SHROOM4: variants seen among roughly 807,000 people sequenced by gnomAD.
The protein encoded by SHROOM4 is shroom family member 4.
In SHROOM4, 17 loss-of-function variants were observed where a neutral mutation model predicts 80.3. The observed-to-expected ratio is 0.21, with a 90% CI of 0.14 to 0.32. SHROOM4 has a LOEUF of 0.32. Among genes scored for constraint, SHROOM4 ranks in the 10% least tolerant of loss-of-function variants. SHROOM4 has a pLI of 1.00. For synonymous variants in SHROOM4, 400 were observed against 437.5 expected (o/e 0.91, Z 1.07); for missense variants, 993 against 1,140.3 (o/e 0.87, Z 1.86).
chrX:50,811,237 G>A lies in SHROOM4; in HGVS notation c.117+2665C>T, dbSNP rs181446607. On this transcript the variant is annotated intron_variant, in intron 1 of 8. Coordinates refer to ENST00000376020, the MANE Select transcript of SHROOM4 (RefSeq NM_020717.5). ...TGGGAGGGTTGCTTGAGCCTGGGAG[G>A]CACAGGATGCAGTGAGCCGAGCTGG... is the stretch of plus-strand genomic sequence containing the variant. Among the ~76,000 whole-genome samples the A allele has an allele frequency of 4.3e-3, 480 of 110,711 alleles. 4 individuals are homozygous for A. Among genetic ancestry groups the A allele is most frequent in the Non-Finnish European group, 4.6e-3 (241 of 52,893 alleles).
chrX:50,802,038 C>G (rs1196065720), intron 1 of SHROOM4, among the ~76,000 whole-genome samples: 7 of 111,645 alleles, frequency 6.3e-5, no homozygotes, highest in Non-Finnish European at 1.3e-4. Context: ...AAAGTGGCAA[C>G]GGAAAGGCAT....
At chrX:50,580,775 T>A in the SHROOM4 span, among the ~76,000 whole-genome samples, 1 of 111,374 alleles carries the variant, frequency 9.0e-6, no homozygotes, top group Non-Finnish European at 1.9e-5. Context: ...GGCCACAGAG[T>A]AAGACCCCAC....
intron 1 of SHROOM4, among the ~76,000 whole-genome samples, chrX:50,771,771 G>A (rs1171392805): frequency 1.8e-5 from 2 of 112,070 alleles, no homozygotes; most frequent in Non-Finnish European, 3.8e-5. Flanking sequence ...GTGTGCAAAG[G>A]TGTACGTACA....
At chrX:50,682,219 A>G (rs1368793121) in intron 2 of SHROOM4, among the ~76,000 whole-genome samples, 1 of 112,026 alleles carries the variant, frequency 8.9e-6, no homozygotes, top group Non-Finnish European at 1.9e-5. Context: ...TAGCATTTGT[A>G]ACTAGTATCT....
chrX:50,601,432 T>C lies in SHROOM4; in HGVS notation c.3942+1201A>G, dbSNP rs138731387. On this transcript the variant is annotated intron_variant, in intron 7 of 8. Transcript: ENST00000376020. ...TCTTCCCCTGACATTTTGCTTCAGATAGGAAATTGGAGGAAGGACTCTTGC... is the reference window on the plus strand; with the variant it reads ...TCTTCCCCTGACATTTTGCTTCAGACAGGAAATTGGAGGAAGGACTCTTGC... Among the ~76,000 whole-genome samples, 682 of 111,988 alleles carry C rather than the reference T, an allele frequency of 6.1e-3. 6 individuals are homozygous for C. Among genetic ancestry groups the C allele is most frequent in the Middle Eastern group, 0.038 (8 of 211 alleles).
intron 1 of SHROOM4, among the ~76,000 whole-genome samples, chrX:50,735,033 T>C (rs1382861854): frequency 1.8e-5 from 2 of 111,097 alleles, no homozygotes; most frequent in Non-Finnish European, 3.8e-5. Flanking sequence ...CGAGTATGTT[T>C]TTATTAGCAG....
In SHROOM4 at chrX:50,618,420, CTTTCTTA is replaced by C. The variant is rs1188830715; in HGVS notation, c.2957+9187_2957+9193del. Reference sequence around the variant, plus strand: ...CCTTCCTTCCTTCCTTCCTTCCTTCCTTTCTTATTTTTGAGACAGTGTCTTGCCCAGT... The same window carrying C: ...CCTTCCTTCCTTCCTTCCTTCCTTCCTTTTTGAGACAGTGTCTTGCCCAGT... On this transcript the variant is annotated intron_variant, in intron 5 of 8. Transcript: ENST00000376020. Among the ~76,000 whole-genome samples, 4 of 80,568 alleles carry C rather than the reference CTTTCTTA, an allele frequency of 5.0e-5. 1 individual carries two copies. The East Asian group carries it at 2.0e-3, about 41-fold the overall frequency. 70.0% of individuals were successfully genotyped at this position (80,568 alleles called of 115,157 possible).
Position 50,592,016 on chromosome X carries a change from C to T in SHROOM4, c.*4679G>A, listed in dbSNP as rs782121304. The T allele has an allele frequency of 1.8e-5, 6 of 327,703 alleles. No individual in the cohort carries two copies. Among genetic ancestry groups the T allele is most frequent in the South Asian group, 1.0e-4 (4 of 38,306 alleles). The allele number at this position is 327,703 out of a possible 1,213,427, so 27.0% of individuals were successfully genotyped here. A position where few individuals can be genotyped will look rare whatever the true frequency, so the allele number is the denominator to read the frequency against. ...TCAGGCGTGAGCCACCATGCCCGGC[C>T]GGAACTGTTTTCTTAATAACATTTT... is the stretch of plus-strand genomic sequence containing the variant. On this transcript the variant is annotated 3_prime_UTR_variant, in exon 9 of 9. Transcript: ENST00000376020.
At chrX:50,721,611 G>A (rs186774339) in intron 1 of SHROOM4, among the ~76,000 whole-genome samples, 54 of 110,839 alleles carry the variant, frequency 4.9e-4, no homozygotes, top group African/African-American at 1.6e-3. Flanking sequence ...ATCTTGTGCC[G>A]ACCTCCTGCC....
At chrX:50,664,713 A>C (rs1230906546) in intron 2 of SHROOM4, among the ~76,000 whole-genome samples, 1 of 112,246 alleles carries the variant, frequency 8.9e-6, no homozygotes, top group African/African-American at 3.2e-5. Flanking sequence ...TTTAGAAACA[A>C]CTGTAAATTA....
At chrX:50,682,899 G>T (rs1932972849) in intron 2 of SHROOM4, among the ~76,000 whole-genome samples, 1 of 111,638 alleles carries the variant, frequency 9.0e-6, no homozygotes, top group African/African-American at 3.3e-5. Flanking sequence ...CAGTGGGCTG[G>T]GGAAGGCAGA....
At chrX:50,798,666 C>T (rs782661032) in intron 1 of SHROOM4, among the ~76,000 whole-genome samples, 31 of 111,330 alleles carry the variant, frequency 2.8e-4, no homozygotes, top group African/African-American at 9.8e-4. Flanking sequence ...TCATTATTTT[C>T]ATCTGTAAAA....
intron 1 of SHROOM4, among the ~76,000 whole-genome samples, chrX:50,724,700 C>G (rs1383953583): frequency 8.9e-6 from 1 of 111,958 alleles, no homozygotes; most frequent in Admixed American, 9.4e-5. Context: ...AGGCTGGTCT[C>G]GAACTCCTGA....
intron 5 of SHROOM4, among the ~76,000 whole-genome samples, chrX:50,611,298 G>A (rs1448881221): frequency 1.8e-5 from 2 of 109,355 alleles, no homozygotes; most frequent in Non-Finnish European, 3.8e-5. Context: ...ACAGGCGCCC[G>A]CTACCGCGCC....
rs782545972 is a variant in SHROOM4 at position 50,635,119 on chromosome X, G to A, written c.954C>T (p.Pro318=). The change falls in exon 4 of 9, where the codon CCC becomes CCT. Residue 318 remains proline, a synonymous_variant. Coordinates refer to ENST00000376020, the MANE Select transcript of SHROOM4 (RefSeq NM_020717.5). ...AACAGAACCTATTAGGGTTCCTTGC[G>A]GGTAGCACAGGCTCTAAGCTCAGTT... The part of the protein sequence containing the change: ...KEKLSLEPVL[P]ARNPNRFCCL... 20 of 1,209,743 alleles carry A rather than the reference G, an allele frequency of 1.7e-5. No homozygotes were observed. The South Asian group carries it at 1.8e-4, about 11-fold the overall frequency.
chrX:50,801,712 T>C (rs782766167), intron 1 of SHROOM4, among the ~76,000 whole-genome samples: 14 of 111,824 alleles, frequency 1.3e-4, no homozygotes, highest in Non-Finnish European at 2.3e-4. Context: ...CCACCAGGGC[T>C]CACGCAACAG....
At chrX:50,707,638 A>G (rs1933711002) in intron 1 of SHROOM4, among the ~76,000 whole-genome samples, 1 of 99,895 alleles carries the variant, frequency 1.0e-5, no homozygotes, top group Non-Finnish European at 2.0e-5. Context: ...ACCCCAAGAC[A>G]ATTTCAGTTT....
chrX:50,701,290 CT>C lies in SHROOM4; in HGVS notation c.118-5354del, dbSNP rs781948589. ...GAAGAAGACTCAAGAGCACTGTCCC[CT>C]ATGTCAGCAACCAAAGGCAAATTTG... On this transcript the variant is annotated intron_variant, in intron 1 of 8. Transcript: ENST00000376020. Among the ~76,000 whole-genome samples, 393 of 111,993 alleles carry C rather than the reference CT, an allele frequency of 3.5e-3. 5 individuals carry two copies. The highest frequency in any genetic ancestry group is 0.012 in the African/African-American group (376 of 30,850).
intron 2 of SHROOM4, among the ~76,000 whole-genome samples, chrX:50,665,289 G>A (rs1932655589): frequency 9.0e-6 from 1 of 110,956 alleles, no homozygotes; most frequent in African/African-American, 3.3e-5. Flanking sequence ...GTGAAGACTG[G>A]TGAGCATCTC....
Sources: gnomAD v4.1 joint callset for allele counts (sites outside exome capture counted in the v4.1 genomes callset) on GRCh38, gnomAD v4.1.1 for gene constraint, MANE v1.5 for transcripts, NCBI Gene and HGNC (gene_info 2026-07-23, HGNC 2026-07-21) for gene names.